RGS7BP: variants seen among roughly 807,000 people sequenced by gnomAD.
The protein encoded by RGS7BP is regulator of G protein signaling 7-binding protein.
In RGS7BP, 9 loss-of-function variants were observed where a neutral mutation model predicts 31.3. That is an observed-to-expected ratio of 0.29 (90% confidence interval 0.17 to 0.50). RGS7BP has a LOEUF of 0.50. Ranked by LOEUF, RGS7BP falls within the 20% of genes least tolerant of loss-of-function variation. The probability of loss-of-function intolerance (pLI) is 0.98; values close to 1 mark genes in which losing one functional copy is unlikely to be tolerated. For missense variants in RGS7BP, 274 were observed against 322.0 expected, an observed-to-expected ratio of 0.85 and a Z score of 1.14; for synonymous variants, 115 against 120.1, an observed-to-expected ratio of 0.96 and a Z score of 0.28.
intron 2 of RGS7BP, among the ~76,000 whole-genome samples, chr5:64,553,566 G>C (rs1299290503): frequency 2.0e-5 from 3 of 151,260 alleles, no homozygotes; most frequent in Admixed American, 1.3e-4. Context: ...CATTTTGATA[G>C]CATGCTTGCA....
intron 5 of RGS7BP, 85 bp from the exon 6 acceptor site, chr5:64,609,076 G>A: frequency 2.4e-6 from 2 of 840,016 alleles, no homozygotes; most frequent in Admixed American, 1.7e-5. Flanking sequence ...CTGATTAGGA[G>A]GATGGTGGAT....
chr5:64,577,718 TTCTC>T (rs1029827349), intron 3 of RGS7BP, among the ~76,000 whole-genome samples: 9 of 152,210 alleles, frequency 5.9e-5, no homozygotes, highest in Non-Finnish European at 1.2e-4. Flanking sequence ...CCTGATGTCT[TTCTC>T]TCTCTGTCTC....
chr5:64,589,318 TAC>T (rs1742845847), intron 3 of RGS7BP, among the ~76,000 whole-genome samples: 1 of 151,428 alleles, frequency 6.6e-6, no homozygotes, highest in Non-Finnish European at 1.5e-5. Context: ...AAAAAAAAGT[TAC>T]AGAGGGGAAA....
At chr5:64,527,503 T>C (rs898405131) in intron 2 of RGS7BP, among the ~76,000 whole-genome samples, 2 of 151,976 alleles carry the variant, frequency 1.3e-5, no homozygotes, top group African/African-American at 4.8e-5. Context: ...CTGGGTAATT[T>C]TGGTCAATTC....
At chr5:64,586,170 G>A (rs760922711) in intron 3 of RGS7BP, among the ~76,000 whole-genome samples, 10 of 152,082 alleles carry the variant, frequency 6.6e-5, no homozygotes, top group Non-Finnish European at 1.3e-4. Flanking sequence ...CTGCCAAAGG[G>A]GGTGATGCTG....
At chr5:64,588,318 T>C (rs1342328046) in intron 3 of RGS7BP, among the ~76,000 whole-genome samples, 1 of 152,222 alleles carries the variant, frequency 6.6e-6, no homozygotes, top group Non-Finnish European at 1.5e-5. Flanking sequence ...CAAGGATGTT[T>C]ATTTAGGAAA....
At chr5:64,605,017 A>G (rs1002133766) in intron 5 of RGS7BP, among the ~76,000 whole-genome samples, 4 of 152,110 alleles carry the variant, frequency 2.6e-5, no homozygotes, top group African/African-American at 9.7e-5. Context: ...AAAAATAAAT[A>G]AAATTTTTTT....
At chr5:64,513,340 T>C (rs549100955) in intron 2 of RGS7BP, among the ~76,000 whole-genome samples, 15 of 152,292 alleles carry the variant, frequency 9.8e-5, no homozygotes, top group Non-Finnish European at 2.1e-4. Flanking sequence ...TGTTCTTTCC[T>C]TCTCTTCCTT....
At chr5:64,556,450 C>CACAT (rs1160471465) in intron 2 of RGS7BP, among the ~76,000 whole-genome samples, 2 of 148,260 alleles carry the variant, frequency 1.3e-5, no homozygotes, top group African/African-American at 5.0e-5. Context: ...CACACACACA[C>CACAT]ACACACACAC....
At chr5:64,532,175 A>G (rs1749386988) in intron 2 of RGS7BP, among the ~76,000 whole-genome samples, 1 of 152,250 alleles carries the variant, frequency 6.6e-6, no homozygotes, top group Non-Finnish European at 1.5e-5. Flanking sequence ...AAGTTGGACT[A>G]ATTTGGATGA....
intron 2 of RGS7BP, among the ~76,000 whole-genome samples, chr5:64,542,407 T>G (rs1741549321): frequency 6.6e-6 from 1 of 152,212 alleles, no homozygotes; most frequent in Non-Finnish European, 1.5e-5. Flanking sequence ...AGTTTTATAT[T>G]CCTTCAGTTA....
intron 2 of RGS7BP, among the ~76,000 whole-genome samples, chr5:64,523,109 A>C (rs1749149138): frequency 6.6e-6 from 1 of 152,236 alleles, no homozygotes; most frequent in African/African-American, 2.4e-5. Flanking sequence ...GAAGGAAAAT[A>C]AAAGGGACTA....
intron 2 of RGS7BP, among the ~76,000 whole-genome samples, chr5:64,565,692 T>C (rs1252841302): frequency 6.6e-6 from 1 of 152,020 alleles, no homozygotes; most frequent in East Asian, 1.9e-4. Context: ...CCAGACAACA[T>C]GTTAAGGGTT....
intron 5 of RGS7BP, among the ~76,000 whole-genome samples, chr5:64,604,232 G>T (rs950895633): frequency 6.6e-6 from 1 of 152,030 alleles, no homozygotes; most frequent in African/African-American, 2.4e-5. Context: ...TTCACCAAAT[G>T]TCCAAGTTCT....
At chr5:64,517,644 C>T (rs565635869) in intron 2 of RGS7BP, among the ~76,000 whole-genome samples, 27 of 152,316 alleles carry the variant, frequency 1.8e-4, no homozygotes, top group Middle Eastern at 3.4e-3. Context: ...GTCCACCATG[C>T]TCCTCACACT....
chr5:64,589,935 A>T (rs1742864828), intron 3 of RGS7BP, among the ~76,000 whole-genome samples: 1 of 151,924 alleles, frequency 6.6e-6, no homozygotes, highest in African/African-American at 2.4e-5. Flanking sequence ...AAAAAAAAAA[A>T]AAAAAGACAC....
chr5:64,511,865 G>A (rs947702552), intron 2 of RGS7BP, among the ~76,000 whole-genome samples: 1 of 152,172 alleles, frequency 6.6e-6, no homozygotes, highest in African/African-American at 2.4e-5. Flanking sequence ...GCCCATTCAT[G>A]GGGTAGTTGA....
chr5:64,592,029 T>C (rs1223571770), intron 3 of RGS7BP, among the ~76,000 whole-genome samples: 1 of 152,186 alleles, frequency 6.6e-6, no homozygotes, highest in Admixed American at 6.6e-5. Flanking sequence ...TTTCTGATAG[T>C]GGACCTTTCT....
chr5:64,524,994 G>A (rs897438276), intron 2 of RGS7BP, among the ~76,000 whole-genome samples: 8 of 152,048 alleles, frequency 5.3e-5, no homozygotes, highest in African/African-American at 1.9e-4. Context: ...GCTTGAGAAA[G>A]TGCCACTCAT....
Sources: gnomAD v4.1 joint callset for allele counts (sites outside exome capture counted in the v4.1 genomes callset) on GRCh38, gnomAD v4.1.1 for gene constraint, MANE v1.5 for transcripts, NCBI Gene and HGNC (gene_info 2026-07-23, HGNC 2026-07-21) for gene names.